SLIT3: variants seen among roughly 807,000 people sequenced by gnomAD.
SLIT3 encodes slit guidance ligand 3.
Under a neutral mutation model 184.0 loss-of-function variants are expected in SLIT3, and 68 were observed. The observed-to-expected ratio is 0.37, with a 90% confidence interval of 0.30 to 0.45. SLIT3 has a LOEUF of 0.45. Among genes scored for constraint, SLIT3 ranks in the 20% least tolerant of loss-of-function variants. SLIT3 has a pLI of 1.00. For synonymous variants in SLIT3, 831 were observed against 828.6 expected (o/e 1.00, Z -0.05); for missense variants, 1,707 against 2,026.0 (o/e 0.84, Z 3.02).
intron 5 of SLIT3, among the ~76,000 whole-genome samples, chr5:168,872,656 T>G (rs1374864805): frequency 1.4e-5 from 2 of 147,570 alleles, no homozygotes; most frequent in Non-Finnish European, 3.0e-5. Context: ...TTTTTTTTTT[T>G]GAGACAGAGT....
At chr5:169,274,558 G>A (rs763766573) in intron 1 of SLIT3, among the ~76,000 whole-genome samples, 1 of 152,184 alleles carries the variant, frequency 6.6e-6, no homozygotes, top group Non-Finnish European at 1.5e-5. Flanking sequence ...GTACATGAAT[G>A]TTGATGGAAT....
intron 5 of SLIT3, among the ~76,000 whole-genome samples, chr5:168,858,966 G>T (rs1360334621): frequency 6.6e-6 from 1 of 152,218 alleles, no homozygotes; most frequent in Non-Finnish European, 1.5e-5. Context: ...TAAACAGAGA[G>T]TGAGGCTTGC....
chr5:169,176,647 C>T (rs1762995611), intron 4 of SLIT3, among the ~76,000 whole-genome samples: 1 of 152,182 alleles, frequency 6.6e-6, no homozygotes, highest in Non-Finnish European at 1.5e-5. Context: ...TAACATTTTT[C>T]TGTAAAGGGC....
intron 4 of SLIT3, among the ~76,000 whole-genome samples, chr5:169,174,723 A>T (rs562367708): frequency 1.0e-3 from 158 of 152,244 alleles, no homozygotes; most frequent in African/African-American, 3.7e-3. Context: ...TCTATGAAAA[A>T]TCCAGGAGAG....
At chr5:168,917,815 C>A (rs1761492729) in intron 4 of SLIT3, among the ~76,000 whole-genome samples, 2 of 152,188 alleles carry the variant, frequency 1.3e-5, no homozygotes, top group African/African-American at 4.8e-5. Context: ...CTTTTTTCCC[C>A]AGGCTGAAAG....
intron 10 of SLIT3, 92 bp from the exon 11 acceptor site, chr5:168,789,723 A>C: frequency 1.1e-6 from 1 of 914,668 alleles, no homozygotes; most frequent in South Asian, 1.4e-5. Context: ...AGACATTCAA[A>C]ATGGTAAGGA....
chr5:169,192,942 C>T (rs1182122426), intron 4 of SLIT3, among the ~76,000 whole-genome samples: 7 of 152,340 alleles, frequency 4.6e-5, no homozygotes. Context: ...CCCTGGATCT[C>T]TGAAGAGAAT....
intron 8 of SLIT3, among the ~76,000 whole-genome samples, chr5:168,815,979 A>G (rs1393073562): frequency 2.0e-5 from 3 of 152,180 alleles, no homozygotes; most frequent in Admixed American, 6.5e-5. Flanking sequence ...CTGGGCCCCA[A>G]TTCTGGGACT....
chr5:168,866,253 G>C (rs1349044398), intron 5 of SLIT3, among the ~76,000 whole-genome samples: 2 of 152,168 alleles, frequency 1.3e-5, no homozygotes, highest in East Asian at 1.9e-4. Flanking sequence ...ACTCAAAAAG[G>C]CTCCAAAGAG....
chr5:168,880,301 C>T (rs1264602799), intron 5 of SLIT3, among the ~76,000 whole-genome samples: 3 of 152,216 alleles, frequency 2.0e-5, no homozygotes, highest in Non-Finnish European at 2.9e-5. Context: ...ATTCTCAGTG[C>T]CTACATCTAA....
chr5:168,846,722 T>G (rs1190717126), intron 5 of SLIT3, among the ~76,000 whole-genome samples: 1 of 152,038 alleles, frequency 6.6e-6, no homozygotes, highest in Non-Finnish European at 1.5e-5. Flanking sequence ...GGTGCATTGG[T>G]TTTCGTGCAG....
intron 4 of SLIT3, among the ~76,000 whole-genome samples, chr5:168,958,784 G>A (rs1027198423): frequency 1.3e-5 from 2 of 152,236 alleles, no homozygotes; most frequent in African/African-American, 4.8e-5. Flanking sequence ...GGAAGAAGGT[G>A]TCATGTGTAC....
chr5:168,771,866 C>G (rs755876215), intron 14 of SLIT3, among the ~76,000 whole-genome samples: 2 of 152,178 alleles, frequency 1.3e-5, no homozygotes, highest in Non-Finnish European at 2.9e-5. Context: ...ATCAGAAGCT[C>G]CTGGGCAAGG....
rs539295726 is a variant in SLIT3 at position 168,977,287 on chromosome 5, T to C, written c.414-93951A>G. ...GTTTCTCCTGCCATCTCTTTTGGAT[T>C]GCTCTGCCTGCCCCATCGCAAGACC... is the stretch of plus-strand genomic sequence containing the variant. On this transcript the variant is annotated intron_variant, in intron 4 of 35. Transcript: ENST00000519560. Among the ~76,000 whole-genome samples, 78 of 152,272 alleles carry C rather than the reference T, an allele frequency of 5.1e-4. 1 individual carries two copies. The highest frequency in any genetic ancestry group is 4.8e-3 in the Admixed American group (73 of 15,296).
intron 4 of SLIT3, among the ~76,000 whole-genome samples, chr5:169,128,368 C>A (rs919207460): frequency 6.6e-6 from 1 of 151,504 alleles, no homozygotes; most frequent in Admixed American, 6.6e-5. Flanking sequence ...TCTTCAGTAG[C>A]TTCTAAGAAG....
chr5:169,198,528 C>CTGCTTTTTTATCCATAATA (rs1763810796), intron 3 of SLIT3, among the ~76,000 whole-genome samples: 1 of 152,216 alleles, frequency 6.6e-6, no homozygotes, highest in Admixed American at 6.5e-5. Flanking sequence ...AGTCATACCA[C>CTGCTTTTTTATCCATAATA]AAAGGGCCTT....
At chr5:168,889,178 G>A (rs1052927766) in intron 4 of SLIT3, among the ~76,000 whole-genome samples, 1 of 152,178 alleles carries the variant, frequency 6.6e-6, no homozygotes, top group South Asian at 2.1e-4. Context: ...ATTCTACAAT[G>A]TGGACTTCAG....
intron 3 of SLIT3, among the ~76,000 whole-genome samples, chr5:169,205,080 G>A (rs1009064878): frequency 2.0e-5 from 3 of 152,226 alleles, no homozygotes; most frequent in African/African-American, 4.8e-5. Flanking sequence ...TTATGAAAAT[G>A]AGCCATGAAA....
intron 4 of SLIT3, among the ~76,000 whole-genome samples, chr5:169,004,387 G>A (rs1755835587): frequency 6.6e-6 from 1 of 152,180 alleles, no homozygotes; most frequent in African/African-American, 2.4e-5. Flanking sequence ...GTCCTCTGGA[G>A]AAAATAAGGT....
Sources: gnomAD v4.1 joint callset for allele counts (sites outside exome capture counted in the v4.1 genomes callset) on GRCh38, gnomAD v4.1.1 for gene constraint, MANE v1.5 for transcripts, NCBI Gene and HGNC (gene_info 2026-07-23, HGNC 2026-07-21) for gene names.